The following PIGN variants were observed in gnomAD, a reference collection of about 807,000 sequenced individuals.
PIGN encodes GPI ethanolamine phosphate transferase 1.
In PIGN, 117 loss-of-function variants were observed where a neutral mutation model predicts 125.4. That is an observed-to-expected ratio of 0.93 (90% CI 0.80 to 1.09). The LOEUF is 1.09. PIGN is among the 50% of genes least tolerant of loss of function. The probability of loss-of-function intolerance (pLI) is 0.00; values close to 1 mark genes in which losing one functional copy is unlikely to be tolerated. For synonymous variants in PIGN, 392 were observed against 377.8 expected (o/e 1.04, Z -0.44); for missense variants, 1,075 against 1,094.9 (o/e 0.98, Z 0.26).
chr18:62,045,784 A>G lies in PIGN; in HGVS notation c.*72T>C. On this transcript the variant is annotated 3_prime_UTR_variant, in exon 31 of 31. Coordinates refer to ENST00000640252, the MANE Select transcript of PIGN (RefSeq NM_176787.5). ...ACTATATATCCATATCCATCTTCTT[A>G]TTGAAGCCTTGATGAGATTTTAGCT... 3 of 1,494,736 alleles carry G rather than the reference A, an allele frequency of 2.0e-6. No individual in the cohort carries two copies. The highest frequency in any genetic ancestry group is 2.8e-6 in the Non-Finnish European group (3 of 1,081,112). The allele number at this position is 1,494,736 out of a possible 1,614,324, so 92.6% of individuals were successfully genotyped here. A position where few individuals can be genotyped will look rare whatever the true frequency, so the allele number is the denominator to read the frequency against.
At chr18:62,024,806 A>G (rs1333653677) in intron 23 of PIGN, among the ~76,000 whole-genome samples, 2 of 152,236 alleles carry the variant, frequency 1.3e-5, no homozygotes, top group East Asian at 3.8e-4. Context: ...TGGGCAACAT[A>G]GCAACACCTG....
intron 23 of PIGN, among the ~76,000 whole-genome samples, chr18:62,024,869 A>G (rs2030097740): frequency 6.6e-6 from 1 of 152,198 alleles, no homozygotes. Context: ...ATGATCATAT[A>G]TGTGCTCCAC....
intron 14 of PIGN, among the ~76,000 whole-genome samples, chr18:62,132,061 T>C (rs2035760145): frequency 6.6e-6 from 1 of 152,206 alleles, no homozygotes; most frequent in Non-Finnish European, 1.5e-5. Context: ...CAATAGTTTG[T>C]GAAAAGAACC....
intron 22 of PIGN, 127 bp downstream of exon 22, chr18:62,100,948 C>A: frequency 1.5e-6 from 1 of 664,414 alleles, no homozygotes; most frequent in Non-Finnish European, 2.7e-6. Context: ...GAAATAATAG[C>A]CAGTTATTAT....
At chr18:62,134,157 G>A (rs2035840540) in intron 14 of PIGN, among the ~76,000 whole-genome samples, 1 of 151,812 alleles carries the variant, frequency 6.6e-6, no homozygotes, top group Non-Finnish European at 1.5e-5. Context: ...CACTTTGGGA[G>A]GCCGAGGTGG....
At position 62,044,313 on chromosome 18, in the gene PIGN, A is replaced by C. The variant is rs908640651; in HGVS notation, c.*1543T>G. On this transcript the variant is annotated 3_prime_UTR_variant, in exon 31 of 31. Transcript: ENST00000640252. ...GCAAAACTACACATAGAAAAAGGTC[A>C]GTGATAAGTGTTTATACAGTCAGTT... 1 of 152,242 alleles carries C rather than the reference A, an allele frequency of 6.6e-6. No individual in the cohort carries two copies. Among genetic ancestry groups the C allele is most frequent in the Non-Finnish European group, 1.5e-5 (1 of 68,038 alleles). The allele number at this position is 152,242 out of a possible 1,614,324, so 9.4% of individuals were successfully genotyped here.
intron 30 of PIGN, among the ~76,000 whole-genome samples, chr18:62,063,079 G>A (rs564122385): frequency 4.6e-5 from 7 of 151,222 alleles, no homozygotes; most frequent in Non-Finnish European, 7.4e-5. Context: ...CAACACTCAT[G>A]AGAGGAAGGG....
intron 19 of PIGN, among the ~76,000 whole-genome samples, chr18:62,106,478 C>T (rs189014041): frequency 2.0e-4 from 31 of 151,918 alleles, no homozygotes; most frequent in Non-Finnish European, 3.1e-4. Context: ...CTGCTCTGGA[C>T]GACTCCTTGC....
chr18:62,029,395 A>G (rs571257154), intron 23 of PIGN, among the ~76,000 whole-genome samples: 1 of 152,142 alleles, frequency 6.6e-6, no homozygotes, highest in African/African-American at 2.4e-5. Context: ...CCCTAATCCA[A>G]CCTCACAGCT....
rs1331578854 is a variant in PIGN at position 62,154,528 on chromosome 18, C to G, written c.549+17G>C. 1 of 1,145,694 alleles carries G rather than the reference C, an allele frequency of 8.7e-7. No homozygotes were observed. Among genetic ancestry groups the G allele is most frequent in the Non-Finnish European group, 1.3e-6 (1 of 759,648 alleles). The allele number at this position is 1,145,694 out of a possible 1,614,324, so 71.0% of individuals were successfully genotyped here. Reference sequence around the variant, plus strand: ...AAAAATATGCTTTTTGTATATTAACCACTCAATAGCACAAACCTTAACATT... The same window carrying G: ...AAAAATATGCTTTTTGTATATTAACGACTCAATAGCACAAACCTTAACATT... On this transcript the variant is annotated intron_variant, in intron 7 of 30. Transcript: ENST00000640252.
intron 30 of PIGN, among the ~76,000 whole-genome samples, chr18:62,053,499 G>A (rs1175372745): frequency 6.6e-6 from 1 of 152,158 alleles, no homozygotes; most frequent in Admixed American, 6.5e-5. Context: ...GAAAAACAGA[G>A]ATTGGTAGAA....
intron 23 of PIGN, among the ~76,000 whole-genome samples, chr18:62,022,044 C>T (rs11875457): frequency 0.42 from 64,154 of 151,902 alleles, 15,225 homozygotes; most frequent in African/African-American, 0.64. Flanking sequence ...CAGGCCCTGG[C>T]CATGTGGCCC....
chr18:62,150,966 C>T (rs1410626230), intron 7 of PIGN, among the ~76,000 whole-genome samples: 1 of 152,144 alleles, frequency 6.6e-6, no homozygotes, highest in Non-Finnish European at 1.5e-5. Context: ...TCCCAAAGTG[C>T]TGGGATTACA....
intron 1 of PIGN, among the ~76,000 whole-genome samples, chr18:62,176,535 T>C (rs982890208): frequency 1.4e-4 from 22 of 152,060 alleles, no homozygotes; most frequent in African/African-American, 4.1e-4. Flanking sequence ...TAGTAAGACA[T>C]ACTAACATCA....
chr18:62,109,823 G>T lies in PIGN; in HGVS notation c.1574+11C>A, dbSNP rs767210033. 1 of 1,593,554 alleles carries T rather than the reference G, an allele frequency of 6.3e-7. No homozygotes were observed. On this transcript the variant is annotated intron_variant, in intron 17 of 30. Coordinates refer to ENST00000640252, the MANE Select transcript of PIGN (RefSeq NM_176787.5). Reference sequence around the variant, plus strand: ...AAGTGAAAAAACAAGGCAGCAAGATGCATTACTTACTCTCTTAGAACCGCA... The same window carrying T: ...AAGTGAAAAAACAAGGCAGCAAGATTCATTACTTACTCTCTTAGAACCGCA...
Position 62,074,833 on chromosome 18 carries a change from A to AC in PIGN, c.2577-13_2577-12insG. The stretch of plus-strand genomic sequence containing the variant: ...CAATGAGAAAAAGGCTGGAAAAAAA[A>AC]AGAAGGAAAAATTACATCTAATACA... On this transcript the variant is annotated splice_polypyrimidine_tract_variant and intron_variant, in intron 28 of 30. Coordinates refer to ENST00000640252, the MANE Select transcript of PIGN (RefSeq NM_176787.5). 1 of 1,595,950 alleles carries AC rather than the reference A, an allele frequency of 6.3e-7. No homozygotes were observed. The highest frequency in any genetic ancestry group is 1.1e-5 in the South Asian group (1 of 89,036).
At chr18:62,034,869 G>GA (rs1394948293) in intron 23 of PIGN, among the ~76,000 whole-genome samples, 1 of 152,182 alleles carries the variant, frequency 6.6e-6, no homozygotes, top group East Asian at 1.9e-4. Flanking sequence ...GGACTGTTGG[G>GA]ATGGCATGAT....
intron 30 of PIGN, among the ~76,000 whole-genome samples, chr18:62,061,511 C>CAA (rs373391589): frequency 0.016 from 517 of 33,086 alleles, 35 homozygotes; most frequent in East Asian, 0.033. Context: ...GACTCCGTCT[C>CAA]AAAAAAAAAA....
intron 4 of PIGN, among the ~76,000 whole-genome samples, chr18:62,160,069 C>T (rs967559613): frequency 2.0e-5 from 3 of 152,094 alleles, no homozygotes; most frequent in Middle Eastern, 3.2e-3. Context: ...GCTGAGATCA[C>T]GCCACTGCAC....
Sources: gnomAD v4.1 joint callset for allele counts (sites outside exome capture counted in the v4.1 genomes callset) on GRCh38, gnomAD v4.1.1 for gene constraint, MANE v1.5 for transcripts, NCBI Gene and HGNC (gene_info 2026-07-23, HGNC 2026-07-21) for gene names.